RELN: variants seen among roughly 807,000 people sequenced by gnomAD.
RELN encodes the protein reelin.
In RELN, 108 loss-of-function variants were observed where a neutral mutation model predicts 427.6. The ratio of observed to expected loss-of-function variants is 0.25; its 90% CI spans 0.22 to 0.30. The LOEUF (loss-of-function observed/expected upper bound fraction) is 0.30. RELN is among the 10% of genes least tolerant of loss of function. The pLI is 1.00. For missense variants in RELN, 3,715 were observed against 4,302.8 expected, an observed-to-expected ratio of 0.86 and a Z score of 3.82; for synonymous variants, 1,524 against 1,513.4, an observed-to-expected ratio of 1.01 and a Z score of -0.16.
intron 1 of RELN, among the ~76,000 whole-genome samples, chr7:103,977,310 C>CAAAAAAAAAAAAAAA (rs201026012): frequency 1.9e-4 from 17 of 88,254 alleles, no homozygotes; most frequent in African/African-American, 8.3e-4. Context: ...GACTCTGTCT[C>CAAAAAAAAAAAAAAA]AAAAAAAAAA....
At chr7:103,617,525 T>C (rs1280345645) in intron 20 of RELN, among the ~76,000 whole-genome samples, 1 of 151,976 alleles carries the variant, frequency 6.6e-6, no homozygotes, top group Non-Finnish European at 1.5e-5. Context: ...TGTGTATATA[T>C]ATGCATATAT....
rs1276394077 is a variant in RELN at position 103,523,423 on chromosome 7, A to T, written c.7458T>A (p.Ser2486Arg). 1.2e-6 allele frequency: 2 copies of T among 1,614,176 alleles called. No individual in the cohort carries two copies. The highest frequency in any genetic ancestry group is 4.5e-5 in the East Asian group (2 of 44,864). The change falls in exon 47 of 65, where the codon AGT (serine) becomes AGA (arginine). Residue 2486 changes from serine (S) to arginine (R), a missense_variant. Transcript: ENST00000428762. ...TTCCCTGGATGCATCTCCCATGGCC[A>T]CTGCACATGTCTATGCAGCCATCCC... ...YIGDGCIDMC[S>R]GHGRCIQGNC...
chr7:103,920,288 G>A (rs1218576779), intron 1 of RELN, among the ~76,000 whole-genome samples: 3 of 152,144 alleles, frequency 2.0e-5, no homozygotes, highest in Non-Finnish European at 2.9e-5. Flanking sequence ...GGGTATATTA[G>A]GATGGGGATA....
At chr7:103,682,012 T>G in intron 11 of RELN, 104 bp downstream of exon 11, 1 of 1,096,986 alleles carries the variant, frequency 9.1e-7, no homozygotes, top group South Asian at 1.3e-5. Flanking sequence ...TCATCAGTAT[T>G]GATCTAAGTA....
rs1276100142 is a variant in RELN at position 103,909,683 on chromosome 7, T to C, written c.337+7392A>G. On this transcript the variant is annotated intron_variant, in intron 2 of 64. Coordinates refer to ENST00000428762, the MANE Select transcript of RELN (RefSeq NM_005045.4). Reference sequence around the variant, plus strand: ...TATATAAATATATATTAAATATATTTAATAAATATATATATTTAATATATA... The same window carrying C: ...TATATAAATATATATTAAATATATTCAATAAATATATATATTTAATATATA... Among the ~76,000 whole-genome samples, 35 of 77,130 alleles carry C rather than the reference T, an allele frequency of 4.5e-4. 3 individuals are homozygous for C. The Middle Eastern group carries it at 0.021, about 46-fold the overall frequency. The allele number at this position is 77,130 out of a possible 152,430, so 50.6% of individuals were successfully genotyped here.
intron 2 of RELN, among the ~76,000 whole-genome samples, chr7:103,893,657 C>T (rs1005954560): frequency 7.2e-5 from 11 of 152,108 alleles, no homozygotes; most frequent in Non-Finnish European, 1.0e-4. Context: ...GAGTACTTTT[C>T]GAACTTCTTT....
In RELN at chr7:103,611,541, T is replaced by TTTTC. The variant is rs1008069521; in HGVS notation, c.2895+69_2895+70insGAAA. The TTTTC allele has an allele frequency of 1.8e-5, 22 of 1,222,962 alleles. No individual in the cohort carries two copies. The African/African-American group carries it at 2.9e-4, about 16-fold the overall frequency. 75.8% of individuals were successfully genotyped at this position (1,222,962 alleles called of 1,614,324 possible). On this transcript the variant is annotated intron_variant, in intron 21 of 64. Transcript: ENST00000428762. ...CCTAAACTTCTAGAACTGTAATTTT[T>TTTTC]TTTTTTTTTGGCTTCCTAGGTAAAA...
At chr7:103,913,016 T>G (rs189656825) in intron 2 of RELN, among the ~76,000 whole-genome samples, 2 of 152,282 alleles carry the variant, frequency 1.3e-5, no homozygotes, top group East Asian at 3.9e-4. Context: ...AATGAGGTAT[T>G]TCAAATCAGG....
chr7:103,813,560 T>G (rs1349457627), intron 3 of RELN, among the ~76,000 whole-genome samples: 1 of 151,954 alleles, frequency 6.6e-6, no homozygotes. Flanking sequence ...TTTATAATTT[T>G]TGTACATACA....
intron 20 of RELN, among the ~76,000 whole-genome samples, chr7:103,612,266 T>G (rs1831977027): frequency 6.6e-6 from 1 of 152,096 alleles, no homozygotes; most frequent in South Asian, 2.1e-4. Flanking sequence ...TTTCAAATAC[T>G]TATAGATAAT....
At chr7:103,598,809 G>A (rs1236427744) in intron 24 of RELN, among the ~76,000 whole-genome samples, 4 of 152,192 alleles carry the variant, frequency 2.6e-5, no homozygotes, top group Non-Finnish European at 5.9e-5. Flanking sequence ...AAAGAAAAGG[G>A]AAATGGCTCA....
At chr7:103,964,419 G>A (rs1026859078) in intron 1 of RELN, among the ~76,000 whole-genome samples, 5 of 152,154 alleles carry the variant, frequency 3.3e-5, no homozygotes, top group Non-Finnish European at 7.3e-5. Flanking sequence ...GATGTTGCAG[G>A]AAGAGAATTT....
chr7:103,615,801 AG>A (rs1435075534), intron 20 of RELN, among the ~76,000 whole-genome samples: 2 of 152,224 alleles, frequency 1.3e-5, no homozygotes, highest in African/African-American at 4.8e-5. Context: ...ACTGGGGAGT[AG>A]GGAAGTTTAA....
intron 20 of RELN, among the ~76,000 whole-genome samples, chr7:103,622,453 C>A (rs1832242425): frequency 6.6e-6 from 1 of 152,224 alleles, no homozygotes; most frequent in Admixed American, 6.5e-5. Flanking sequence ...CTATTCTCCA[C>A]AAGGCAACCA....
chr7:103,557,671 CT>C (rs1241484817), intron 37 of RELN, among the ~76,000 whole-genome samples: 1 of 151,976 alleles, frequency 6.6e-6, no homozygotes, highest in Non-Finnish European at 1.5e-5. Context: ...ATTTAAATTT[CT>C]TTTAGTTAGA....
chr7:103,730,948 C>T (rs1212762711), intron 6 of RELN, among the ~76,000 whole-genome samples: 1 of 152,230 alleles, frequency 6.6e-6, no homozygotes. Flanking sequence ...TGAGGGCTCA[C>T]AGGCACTGCA....
At position 103,561,552 on chromosome 7, in the gene RELN, T is replaced by G. The variant is rs1165225094; in HGVS notation, c.5509A>C (p.Thr1837Pro). 3.7e-6 allele frequency: 6 copies of G among 1,613,504 alleles called. No homozygotes were observed. The highest frequency in any genetic ancestry group is 5.1e-6 in the Non-Finnish European group (6 of 1,179,582). The stretch of plus-strand genomic sequence containing the variant: ...CTGACCCCTTTAAAAATTAGAGATG[T>G]TCCAGATTTGATGGTTTCACCATTC... ...NLNGETIKSG[T>P]SLIFKGEGLR... is the part of the protein sequence containing the mutation. Residue 1837 changes from threonine (T) to proline (P), a missense_variant, in exon 36 of 65, where the codon ACA becomes CCA. By Grantham distance (38) the Thr-to-Pro change is conservative. This residue lies in a region of RELN where 2,208 missense variants were observed against 2,361.7 expected (regional missense o/e 0.93). Coordinates refer to ENST00000428762, the MANE Select transcript of RELN (RefSeq NM_005045.4).
intron 4 of RELN, among the ~76,000 whole-genome samples, chr7:103,773,100 T>TTTC (rs1343624007): frequency 4.7e-5 from 6 of 128,590 alleles, no homozygotes; most frequent in African/African-American, 9.2e-5. Flanking sequence ...GGTTCTCCTC[T>TTTC]TTTCTTTCTT....
At chr7:103,576,118 C>A (rs1173403347) in intron 28 of RELN, among the ~76,000 whole-genome samples, 1 of 152,162 alleles carries the variant, frequency 6.6e-6, no homozygotes, top group Non-Finnish European at 1.5e-5. Flanking sequence ...GTAGTCCCAG[C>A]TACTTGGGAG....
Sources: allele counts gnomAD v4.1 joint callset (sites outside exome capture counted in the v4.1 genomes callset), GRCh38; gene constraint gnomAD v4.1.1; regional missense constraint gnomAD v4.1.1; transcripts MANE v1.5; gene names NCBI Gene and HGNC (gene_info 2026-07-23, HGNC 2026-07-21).